CRB1: variants seen among roughly 807,000 people sequenced by gnomAD.
CRB1 encodes the protein protein crumbs homolog 1.
CRB1 carries 83 observed loss-of-function variants against 120.0 expected under a neutral mutation model. The ratio of observed to expected loss-of-function variants is 0.69; its 90% CI spans 0.58 to 0.83. The LOEUF is 0.83. Among genes scored for constraint, CRB1 ranks in the 40% least tolerant of loss-of-function variants. The pLI, the probability that CRB1 is intolerant of heterozygous loss-of-function variation, is 0.00. For synonymous variants in CRB1, 625 were observed against 612.5 expected (o/e 1.02, Z -0.30); for missense variants, 1,699 against 1,687.6 (o/e 1.01, Z -0.12).
chr1:197,416,883 T>G (rs1664032606), intron 5 of CRB1, among the ~76,000 whole-genome samples: 1 of 152,112 alleles, frequency 6.6e-6, no homozygotes, highest in Non-Finnish European at 1.5e-5. Context: ...CTAATTTTTG[T>G]ATCTTTAGTA....
intron 5 of CRB1, chr1:197,363,784 G>A (rs1002047199): frequency 2.9e-6 from 2 of 683,514 alleles, no homozygotes; most frequent in Non-Finnish European, 2.7e-6. Flanking sequence ...GGGTCTTTGT[G>A]GCTCTGCAGA....
At position 197,324,734 on chromosome 1, in the gene CRB1, G is replaced by T. The variant is rs144830377; in HGVS notation, c.71-3688G>T. Among the ~76,000 whole-genome samples the T allele has an allele frequency of 1.8e-3, 279 of 152,204 alleles. 1 individual carries two copies. Among genetic ancestry groups the T allele is most frequent in the African/African-American group, 6.5e-3 (270 of 41,528 alleles). ...CATGCGCTTATCCACTATATATATGGCTCCACATCATTTTCTTTAGTAATC... is the reference window on the plus strand; with the variant it reads ...CATGCGCTTATCCACTATATATATGTCTCCACATCATTTTCTTTAGTAATC... On this transcript the variant is annotated intron_variant, in intron 1 of 11. Transcript: ENST00000367400.
the CRB1 span, among the ~76,000 whole-genome samples, chr1:197,255,826 CAT>C: frequency 2.0e-5 from 3 of 151,384 alleles, no homozygotes; most frequent in African/African-American, 7.3e-5. Flanking sequence ...GTACTAAAAA[CAT>C]AGATTATGAA....
intron 5 of CRB1, chr1:197,357,214 G>T (rs1660534170): frequency 3.1e-6 from 2 of 652,112 alleles, no homozygotes; most frequent in East Asian, 5.5e-5. Context: ...ATATTAAAGA[G>T]GGATAAAGGA....
At chr1:197,337,070 G>T (rs1266711496) in intron 2 of CRB1, among the ~76,000 whole-genome samples, 1 of 152,172 alleles carries the variant, frequency 6.6e-6, no homozygotes, top group East Asian at 1.9e-4. Context: ...TTGAAATGCT[G>T]TCCAAGGCGA....
At chr1:197,243,106 A>T in the CRB1 span, among the ~76,000 whole-genome samples, 23 of 149,984 alleles carry the variant, frequency 1.5e-4, no homozygotes, top group African/African-American at 5.6e-4. Flanking sequence ...CTATTTTGTT[A>T]ATCTTTTTAA....
chr1:197,323,266 A>T (rs1383776833), intron 1 of CRB1, among the ~76,000 whole-genome samples: 1 of 152,144 alleles, frequency 6.6e-6, no homozygotes, highest in Non-Finnish European at 1.5e-5. Flanking sequence ...TCTAGTAGAG[A>T]TATTAAAACT....
intron 8 of CRB1, among the ~76,000 whole-genome samples, chr1:197,433,118 A>G (rs1445341705): frequency 6.6e-6 from 1 of 151,654 alleles, no homozygotes; most frequent in Non-Finnish European, 1.5e-5. Context: ...ATAGTCTCAA[A>G]CTGCTGACTT....
upstream of CRB1, among the ~76,000 whole-genome samples, chr1:197,265,875 C>T (rs569337681): frequency 3.3e-5 from 5 of 152,144 alleles, no homozygotes; most frequent in Non-Finnish European, 7.4e-5. Flanking sequence ...TGCCCTTTTC[C>T]AAACATTGCT....
At chr1:197,361,863 C>T (rs563899138) in intron 5 of CRB1, among the ~76,000 whole-genome samples, 5 of 151,416 alleles carry the variant, frequency 3.3e-5, no homozygotes, top group African/African-American at 1.2e-4. Context: ...TTTCTGTTTG[C>T]TTTGGGTTTA....
At chr1:197,226,307 C>A in the CRB1 span, among the ~76,000 whole-genome samples, 2,158 of 152,162 alleles carry the variant, frequency 0.014, 52 homozygotes, top group African/African-American at 0.046. Flanking sequence ...TATTTTTTAC[C>A]TCATAATTTT....
intron 1 of CRB1, among the ~76,000 whole-genome samples, chr1:197,278,256 C>T (rs1484022225): frequency 3.3e-5 from 5 of 151,890 alleles, no homozygotes; most frequent in African/African-American, 4.8e-5. Context: ...ATTCCTTACT[C>T]CTTCCACCAT....
chr1:197,314,463 C>T (rs181793356), intron 1 of CRB1, among the ~76,000 whole-genome samples: 4 of 152,182 alleles, frequency 2.6e-5, no homozygotes, highest in Admixed American at 1.3e-4. Flanking sequence ...TAAGTTCTTG[C>T]AAGCTAATTT....
chr1:197,389,895 C>T (rs1571453526), intron 5 of CRB1, among the ~76,000 whole-genome samples: 1 of 152,042 alleles, frequency 6.6e-6, no homozygotes, highest in African/African-American at 2.4e-5. Context: ...AGCCACTCCA[C>T]CAAACTCCCT....
chr1:197,441,294 A>G (rs999993608), intron 10 of CRB1: 2 of 152,242 alleles, frequency 1.3e-5, no homozygotes, highest in African/African-American at 4.8e-5. Context: ...GTCACATAGT[A>G]TGTGTTAAAT....
rs1284729199 is a variant in CRB1 at position 197,328,527 on chromosome 1, C to T, written c.176C>T (p.Thr59Ile). The change falls in exon 2 of 12, where the codon ACA becomes ATA. Residue 59 changes from threonine (T) to isoleucine (I), a missense_variant. Physicochemically the swap from Thr to Ile is moderately conservative, Grantham distance 89 (BLOSUM62 -1). Transcript: ENST00000367400. ...GACAATGATTGTTCTTGTTCAGACA[C>T]AGCCAATAATTTGGACAAAGACTGT... The part of the protein sequence containing the change: ...SKDNDCSCSD[T>I]ANNLDKDCDN... The T allele has an allele frequency of 1.9e-6, 3 of 1,614,212 alleles. No individual in the cohort carries two copies. The highest frequency in any genetic ancestry group is 2.5e-6 in the Non-Finnish European group (3 of 1,180,018).
intron 1 of CRB1, among the ~76,000 whole-genome samples, chr1:197,314,692 T>C (rs1657741822): frequency 6.6e-6 from 1 of 152,198 alleles, no homozygotes. Context: ...ATTTTGTTTT[T>C]GAATGTATGG....
chr1:197,253,932 G>A, the CRB1 span, among the ~76,000 whole-genome samples: 1 of 151,982 alleles, frequency 6.6e-6, no homozygotes, highest in African/African-American at 2.4e-5. Flanking sequence ...GTGTTTGTTT[G>A]TTTGTTTTTG....
At chr1:197,225,006 C>A in the CRB1 span, among the ~76,000 whole-genome samples, 6 of 152,084 alleles carry the variant, frequency 3.9e-5, no homozygotes. Context: ...TTATTAAGCA[C>A]TGGCTAGGTG....
Sources: allele counts gnomAD v4.1 joint callset (sites outside exome capture counted in the v4.1 genomes callset), GRCh38; gene constraint gnomAD v4.1.1; transcripts MANE v1.5; gene names NCBI Gene and HGNC (gene_info 2026-07-23, HGNC 2026-07-21).